Variants in RAPGEF1 observed in about 807,000 individuals in gnomAD.
The protein encoded by RAPGEF1 is Rap guanine nucleotide exchange factor 1, also known as CRK SH3-binding GNRP.
Under a neutral mutation model 143.3 loss-of-function variants are expected in RAPGEF1, and 33 were observed. That is an observed-to-expected ratio of 0.23 (90% CI 0.17 to 0.31). The LOEUF (loss-of-function observed/expected upper bound fraction) is 0.31, where lower values mean the gene tolerates loss of function less well. RAPGEF1 is among the 10% of genes least tolerant of loss of function. The pLI is 1.00. For missense variants in RAPGEF1, 1,199 were observed against 1,645.4 expected (o/e 0.73, Z 4.69); for synonymous variants, 629 against 676.5 (o/e 0.93, Z 1.09).
At chr9:131,683,667 G>T (rs537014422) in intron 1 of RAPGEF1, among the ~76,000 whole-genome samples, 2 of 152,236 alleles carry the variant, frequency 1.3e-5, no homozygotes, top group Non-Finnish European at 2.9e-5. Context: ...GATGGGACTA[G>T]TAATGGTAAA....
At chr9:131,715,645 C>T (rs1835808175) in intron 1 of RAPGEF1, among the ~76,000 whole-genome samples, 2 of 151,950 alleles carry the variant, frequency 1.3e-5, no homozygotes, top group Non-Finnish European at 1.5e-5. Flanking sequence ...GTGGGCAGAT[C>T]ACAAGGTCAG....
At chr9:131,677,517 A>AT (rs1832513703) in intron 1 of RAPGEF1, among the ~76,000 whole-genome samples, 1 of 152,228 alleles carries the variant, frequency 6.6e-6, no homozygotes, top group South Asian at 2.1e-4. Flanking sequence ...CGGGTCTTGA[A>AT]TGTTATTCTA....
intron 1 of RAPGEF1, among the ~76,000 whole-genome samples, chr9:131,712,314 T>TA (rs1394684853): frequency 6.6e-6 from 1 of 152,188 alleles, no homozygotes; most frequent in East Asian, 1.9e-4. Context: ...CTCTGTTGAA[T>TA]AAATGAGTGG....
chr9:131,627,024 C>A (rs1963341103), intron 9 of RAPGEF1, among the ~76,000 whole-genome samples: 1 of 151,138 alleles, frequency 6.6e-6, no homozygotes, highest in Non-Finnish European at 1.5e-5. Flanking sequence ...CCAGCCTGGT[C>A]AACATGGTGA....
intron 1 of RAPGEF1, among the ~76,000 whole-genome samples, chr9:131,723,843 G>A (rs1836444495): frequency 6.6e-6 from 1 of 152,010 alleles, no homozygotes; most frequent in Non-Finnish European, 1.5e-5. Context: ...TAGTTTTTTG[G>A]CGAGCTGCCA....
intron 1 of RAPGEF1, among the ~76,000 whole-genome samples, chr9:131,678,317 C>G (rs568753036): frequency 6.6e-6 from 1 of 152,162 alleles, no homozygotes; most frequent in South Asian, 2.1e-4. Flanking sequence ...AGAAGAGGGA[C>G]TTTTCCTAGC....
intron 1 of RAPGEF1, among the ~76,000 whole-genome samples, chr9:131,725,818 G>T (rs1253538183): frequency 6.7e-6 from 1 of 150,360 alleles, no homozygotes; most frequent in Non-Finnish European, 1.5e-5. Context: ...GAGTGCAGTG[G>T]CGTGATCTCG....
In RAPGEF1 at chr9:131,655,282, T is replaced by C. The variant is rs1303743642; in HGVS notation, c.62-4333A>G. Among the ~76,000 whole-genome samples the C allele has an allele frequency of 6.6e-6, 1 of 152,214 alleles. No homozygotes were observed. Among genetic ancestry groups the C allele is most frequent in the East Asian group, 1.9e-4 (1 of 5,202 alleles). ...CAAACCAAACAGCTTCACAGCTGTG[T>C]GATGGCCAGAGCTGCAGAAAGCCCT... On this transcript the variant is annotated intron_variant, in intron 1 of 26. Coordinates refer to ENST00000683357, the MANE Select transcript of RAPGEF1 (RefSeq NM_001377935.1). The surrounding 1 kb of genome is among the most constrained non-coding windows in gnomAD (Gnocchi z 4.1).
intron 1 of RAPGEF1, among the ~76,000 whole-genome samples, chr9:131,699,474 C>A (rs1834465473): frequency 1.3e-5 from 2 of 152,126 alleles, no homozygotes; most frequent in Admixed American, 1.3e-4. Context: ...AAACTCCCGA[C>A]CTTAGGTGAT....
intron 3 of RAPGEF1, among the ~76,000 whole-genome samples, chr9:131,644,679 G>A (rs918243497): frequency 5.5e-4 from 84 of 152,062 alleles, no homozygotes; most frequent in Admixed American, 5.1e-3. Context: ...AAATAGTGCC[G>A]ATTGGCCAGG....
Position 131,579,296 on chromosome 9 carries a change from C to A in RAPGEF1, c.*201G>T. 1 of 670,410 alleles carries A rather than the reference C, an allele frequency of 1.5e-6. No homozygotes were observed. Among genetic ancestry groups the A allele is most frequent in the Non-Finnish European group, 2.5e-6 (1 of 402,000 alleles). The allele number at this position is 670,410 out of a possible 1,614,324, so 41.5% of individuals were successfully genotyped here. On this transcript the variant is annotated 3_prime_UTR_variant, in exon 27 of 27. Transcript: ENST00000683357. ...CCTGCCTGCTGGCTGCCCTGAGGCCCACGGGTCTGCTCCCACAGAGGAAGG... is the reference window on the plus strand; with the variant it reads ...CCTGCCTGCTGGCTGCCCTGAGGCCAACGGGTCTGCTCCCACAGAGGAAGG...
intron 1 of RAPGEF1, among the ~76,000 whole-genome samples, chr9:131,693,709 T>C (rs1392687164): frequency 6.6e-6 from 1 of 152,188 alleles, no homozygotes; most frequent in Non-Finnish European, 1.5e-5. Flanking sequence ...CTTTACATTG[T>C]TGTAATGTTG....
intron 14 of RAPGEF1, 149 bp downstream of exon 14, chr9:131,603,812 T>A: frequency 2.6e-6 from 1 of 388,954 alleles, no homozygotes; most frequent in Non-Finnish European, 4.7e-6. Flanking sequence ...CCGAGCTGGC[T>A]CCCAGCAGCC....
chr9:131,737,477 C>A, intron 1 of RAPGEF1: 1 of 1,613,750 alleles, frequency 6.2e-7, no homozygotes, highest in Non-Finnish European at 8.5e-7. Flanking sequence ...GTTAGACAAG[C>A]TTCTCTGGGA....
At chr9:131,726,581 G>A (rs1425810253) in intron 1 of RAPGEF1, among the ~76,000 whole-genome samples, 2 of 122,146 alleles carry the variant, frequency 1.6e-5, no homozygotes, top group African/African-American at 5.5e-5. Flanking sequence ...AGCTGAGACG[G>A]CACTGCTGCA....
chr9:131,656,124 T>G (rs748378639), intron 1 of RAPGEF1, among the ~76,000 whole-genome samples: 1 of 152,214 alleles, frequency 6.6e-6, no homozygotes, highest in Non-Finnish European at 1.5e-5. Flanking sequence ...GGAGCTTGGA[T>G]GCATAGCAAG....
intron 12 of RAPGEF1, among the ~76,000 whole-genome samples, chr9:131,608,200 G>T (rs185524132): frequency 6.6e-6 from 1 of 152,342 alleles, no homozygotes; most frequent in East Asian, 1.9e-4. Context: ...AGCGCTGCGT[G>T]CAAGTCCTCC....
intron 17 of RAPGEF1, among the ~76,000 whole-genome samples, chr9:131,594,964 T>C (rs3780263): frequency 0.86 from 130,336 of 152,260 alleles, 56,019 homozygotes; most frequent in African/African-American, 0.93. Context: ...TGGAGCCCCC[T>C]ATGTCAGGCA....
intron 5 of RAPGEF1, among the ~76,000 whole-genome samples, chr9:131,631,707 G>A (rs1036430309): frequency 2.0e-5 from 3 of 152,234 alleles, no homozygotes; most frequent in South Asian, 2.1e-4. Context: ...AAAAGGCAGC[G>A]TATGCTGCAA....
Sources: allele counts gnomAD v4.1 joint callset (sites outside exome capture counted in the v4.1 genomes callset), GRCh38; gene constraint gnomAD v4.1.1; non-coding constraint Gnocchi (gnomAD v3.1); transcripts MANE v1.5; gene names NCBI Gene and HGNC (gene_info 2026-07-23, HGNC 2026-07-21).